The following NRG1 variants were observed in gnomAD, a reference collection of about 807,000 sequenced individuals.
The protein encoded by NRG1 is pro-neuregulin-1, membrane-bound isoform.
A neutral mutation model predicts 63.8 loss-of-function variants in NRG1; 18 were observed. The observed-to-expected ratio is 0.28, with a 90% CI of 0.19 to 0.42. NRG1 has a LOEUF of 0.42. NRG1 is among the 10% of genes least tolerant of loss of function. NRG1 has a pLI of 1.00. For missense variants in NRG1, 762 were observed against 814.7 expected, an observed-to-expected ratio of 0.94 and a Z score of 0.79; for synonymous variants, 302 against 301.3, an observed-to-expected ratio of 1.00 and a Z score of -0.02.
rs552236835 is a variant in NRG1 at position 32,587,324 on chromosome 8, C to G, written c.101-8504C>G. Among the ~76,000 whole-genome samples, 14 of 152,228 alleles carry G rather than the reference C, an allele frequency of 9.2e-5. 1 individual carries two copies. The highest frequency in any genetic ancestry group is 3.1e-4 in the African/African-American group (13 of 41,526). On this transcript the variant is annotated intron_variant, in intron 1 of 11. Coordinates refer to ENST00000356819, the Ensembl canonical transcript of NRG1. ...AAATTAGGTGAAATAAATGAGCTAG[C>G]AAGGAACATGACCAGGGTCTCGGCT... is the stretch of plus-strand genomic sequence containing the variant.
intron 1 of NRG1, among the ~76,000 whole-genome samples, chr8:32,018,478 C>T (rs1395017487): frequency 6.6e-6 from 1 of 151,548 alleles, no homozygotes; most frequent in Admixed American, 6.6e-5. Flanking sequence ...TTTCTATTAC[C>T]CTATATTAAT....
At chr8:32,716,436 A>G (rs764179714) in intron 5 of NRG1, among the ~76,000 whole-genome samples, 1 of 152,198 alleles carries the variant, frequency 6.6e-6, no homozygotes, top group Non-Finnish European at 1.5e-5. Context: ...TATTAAACAC[A>G]TGCTTGCAGC....
intron 5 of NRG1, among the ~76,000 whole-genome samples, chr8:32,690,775 G>A (rs1811387978): frequency 6.6e-6 from 1 of 151,760 alleles, no homozygotes; most frequent in Non-Finnish European, 1.5e-5. Context: ...TCTTTATCAG[G>A]GCTCTTGGTA....
intron 1 of NRG1, among the ~76,000 whole-genome samples, chr8:32,539,423 G>T (rs1313142221): frequency 6.6e-6 from 1 of 152,164 alleles, no homozygotes; most frequent in Non-Finnish European, 1.5e-5. Context: ...GAGAATAAAG[G>T]CTGCTTCAGA....
chr8:32,116,345 G>A lies in NRG1; in HGVS notation c.37+476914G>A, dbSNP rs540211402. Among the ~76,000 whole-genome samples the A allele has an allele frequency of 5.8e-4, 89 of 152,244 alleles. 1 individual carries two copies. Among genetic ancestry groups the A allele is most frequent in the East Asian group, 5.8e-4 (3 of 5,172 alleles). Reference sequence around the variant, plus strand: ...AGTGCTGAATTAAAAAGTGGGATTCGTCTAAGCAGAGGAGATACTTAAGGA... The same window carrying A: ...AGTGCTGAATTAAAAAGTGGGATTCATCTAAGCAGAGGAGATACTTAAGGA... On this transcript the variant is annotated intron_variant, in intron 1 of 10. Transcript: ENST00000519301.
intron 1 of NRG1, among the ~76,000 whole-genome samples, chr8:32,564,316 C>T (rs1837026550): frequency 6.6e-6 from 1 of 152,188 alleles, no homozygotes; most frequent in Non-Finnish European, 1.5e-5. Context: ...TTAAGTCTAT[C>T]ACCTGGAGGT....
chr8:31,868,144 TCTTACACACACA>T lies in NRG1; in HGVS notation c.37+228715_37+228726del, dbSNP rs61577780. ...CCAAACACACACACACACACATACA[TCTTACACACACA>T]CACACACACACACACACACACACAC... On this transcript the variant is annotated intron_variant, in intron 1 of 10. Transcript: ENST00000519301. Among the ~76,000 whole-genome samples, 1,074 of 111,026 alleles carry T rather than the reference TCTTACACACACA, an allele frequency of 9.7e-3. 25 individuals are homozygous for T. The highest frequency in any genetic ancestry group is 0.093 in the East Asian group (315 of 3,386). The allele number at this position is 111,026 out of a possible 152,430, so 72.8% of individuals were successfully genotyped here.
chr8:32,356,386 A>G (rs1049852637), intron 1 of NRG1, among the ~76,000 whole-genome samples: 3 of 152,050 alleles, frequency 2.0e-5, no homozygotes, highest in African/African-American at 7.2e-5. Flanking sequence ...TTTAGCTGGG[A>G]AAATATGCTC....
intron 1 of NRG1, among the ~76,000 whole-genome samples, chr8:32,209,726 C>CTTCT (rs1844472219): frequency 9.0e-6 from 1 of 111,114 alleles, no homozygotes; most frequent in South Asian, 2.7e-4. Context: ...TCCTTCCTTC[C>CTTCT]TTCCTTCCTT....
chr8:31,854,792 A>G (rs1313413922), intron 1 of NRG1, among the ~76,000 whole-genome samples: 2 of 151,982 alleles, frequency 1.3e-5, no homozygotes, highest in Non-Finnish European at 2.9e-5. Flanking sequence ...AATGCATCCC[A>G]GAGATTCTGG....
At chr8:32,684,181 C>T (rs1809459172) in intron 5 of NRG1, among the ~76,000 whole-genome samples, 1 of 152,098 alleles carries the variant, frequency 6.6e-6, no homozygotes. Context: ...AAAAAATAGT[C>T]AGCTCTAGAA....
At chr8:32,638,220 T>C (rs1031026370) in intron 5 of NRG1, among the ~76,000 whole-genome samples, 7 of 152,198 alleles carry the variant, frequency 4.6e-5, no homozygotes, top group African/African-American at 1.7e-4. Context: ...AAAATAAAAT[T>C]CATGTAATGG....
intron 1 of NRG1, among the ~76,000 whole-genome samples, chr8:32,162,327 A>G (rs1838920556): frequency 6.6e-6 from 1 of 152,196 alleles, no homozygotes; most frequent in African/African-American, 2.4e-5. Context: ...AGGAATAGTT[A>G]GATCGATCAT....
intron 3 of NRG1, 40 bp downstream of exon 3, chr8:32,605,723 CAA>C (rs767667475): frequency 1.3e-4 from 208 of 1,603,542 alleles, no homozygotes; most frequent in Non-Finnish European, 1.7e-4. Context: ...CAATCTGTAA[CAA>C]GAGTAATCAA....
intron 1 of NRG1, among the ~76,000 whole-genome samples, chr8:32,305,294 G>C (rs1856056629): frequency 6.6e-6 from 1 of 151,990 alleles, no homozygotes; most frequent in South Asian, 2.1e-4. Context: ...ATTTTATGAA[G>C]AATTTTTGCG....
In NRG1 at chr8:32,457,685, C is replaced by T. The variant is rs886776091; in HGVS notation, c.38-138143C>T. Reference sequence around the variant, plus strand: ...GGCCCAAATCTCTCTGTTACCAGGACTTGGTATTCAAAGTAAGAGGCTTCA... The same window carrying T: ...GGCCCAAATCTCTCTGTTACCAGGATTTGGTATTCAAAGTAAGAGGCTTCA... On this transcript the variant is annotated intron_variant, in intron 1 of 10. Coordinates refer to the NRG1 transcript ENST00000519301. Among the ~76,000 whole-genome samples the T allele has an allele frequency of 2.6e-5, 4 of 152,150 alleles. No individual in the cohort carries two copies. In the East Asian group the frequency reaches 7.7e-4, roughly 29 times the overall value.
chr8:32,728,544 A>G, intron 6 of NRG1: 3 of 985,320 alleles, frequency 3.0e-6, no homozygotes, highest in Non-Finnish European at 3.6e-6. Flanking sequence ...ACTGACATAT[A>G]TCTATTACAC....
chr8:31,712,671 C>T (rs1438047255), intron 1 of NRG1, among the ~76,000 whole-genome samples: 1 of 152,156 alleles, frequency 6.6e-6, no homozygotes, highest in Non-Finnish European at 1.5e-5. Context: ...TTCTTGTGCT[C>T]TTTGTCTGTT....
At chr8:31,669,210 A>G (rs1315973578) in intron 1 of NRG1, among the ~76,000 whole-genome samples, 2 of 150,106 alleles carry the variant, frequency 1.3e-5, no homozygotes, top group Admixed American at 6.7e-5. Flanking sequence ...ACAGGCCTGC[A>G]GCACCATGCC....
Sources: allele counts gnomAD v4.1 joint callset (sites outside exome capture counted in the v4.1 genomes callset), GRCh38; gene constraint gnomAD v4.1.1; transcripts MANE v1.5; gene names NCBI Gene and HGNC (gene_info 2026-07-23, HGNC 2026-07-21).